The following PRTG variants were observed in gnomAD, a reference collection of about 807,000 sequenced individuals.
PRTG encodes protogenin.
In PRTG, 67 loss-of-function variants were observed where a neutral mutation model predicts 122.5. The ratio of observed to expected loss-of-function variants is 0.55; its 90% CI spans 0.45 to 0.67. The LOEUF is 0.67. Ranked by LOEUF, PRTG falls within the 30% of genes least tolerant of loss-of-function variation. PRTG has a pLI of 0.00. For synonymous variants in PRTG, 554 were observed against 501.1 expected (o/e 1.11, Z -1.41); for missense variants, 1,435 against 1,415.4 (o/e 1.01, Z -0.22).
intron 1 of PRTG, 166 bp downstream of exon 1, chr15:55,742,672 G>T: frequency 1.3e-6 from 1 of 766,730 alleles, no homozygotes; most frequent in Non-Finnish European, 2.1e-6. Context: ...TCTGCAGCTG[G>T]CGGTTCCGGA....
At chr15:55,665,211 G>A (rs1423823116) in intron 11 of PRTG, among the ~76,000 whole-genome samples, 1 of 152,016 alleles carries the variant, frequency 6.6e-6, no homozygotes, top group Admixed American at 6.5e-5. Flanking sequence ...AGTGAGCCGA[G>A]ATCGCGCCCC....
chr15:55,714,106 T>A (rs2030503636), intron 2 of PRTG, among the ~76,000 whole-genome samples: 1 of 152,192 alleles, frequency 6.6e-6, no homozygotes, highest in African/African-American at 2.4e-5. Context: ...ATTTTACCTA[T>A]CATTGCTATG....
rs1199386473 is a variant in PRTG at position 55,742,976 on chromosome 15, T to A, written c.-45A>T. ...ATGCTCCCCGGCCGCCCAGAGCCCC[T>A]GTCCGTCTGCGGCCCCCGCCCCGGG... On this transcript the variant is annotated 5_prime_UTR_variant, in exon 1 of 20. Coordinates refer to ENST00000389286, the MANE Select transcript of PRTG (RefSeq NM_173814.6). 7.1e-7 allele frequency: 1 copy of A among 1,415,838 alleles called. No homozygotes were observed. 87.7% of individuals were successfully genotyped at this position (1,415,838 alleles called of 1,614,324 possible). A position where few individuals can be genotyped will look rare whatever the true frequency, so the allele number is the denominator to read the frequency against.
At chr15:55,674,927 G>C (rs370876100) in intron 9 of PRTG, among the ~76,000 whole-genome samples, 1 of 152,064 alleles carries the variant, frequency 6.6e-6, no homozygotes, top group South Asian at 2.1e-4. Context: ...CAGTTCTCTC[G>C]GGCTATCTTA....
At chr15:55,633,463 C>A (rs568007474) in intron 15 of PRTG, among the ~76,000 whole-genome samples, 2 of 152,278 alleles carry the variant, frequency 1.3e-5, no homozygotes, top group East Asian at 3.9e-4. Context: ...ATTTTAGCCA[C>A]AAGTATTATA....
At chr15:55,683,712 G>A (rs2059554233) in intron 3 of PRTG, 75 bp downstream of exon 3, 1 of 1,260,988 alleles carries the variant, frequency 7.9e-7, no homozygotes, top group South Asian at 1.5e-5. Flanking sequence ...CTATAATGGT[G>A]TTTCTCCCTA....
intron 9 of PRTG, 93 bp from the exon 10 acceptor site, chr15:55,673,769 A>G (rs1178438632): frequency 1.8e-5 from 17 of 952,818 alleles, no homozygotes; most frequent in East Asian, 4.9e-5. Flanking sequence ...TTAGCAACAT[A>G]TAATAAAGAA....
At chr15:55,646,441 G>T (rs2059324346) in intron 11 of PRTG, among the ~76,000 whole-genome samples, 1 of 151,744 alleles carries the variant, frequency 6.6e-6, no homozygotes, top group Non-Finnish European at 1.5e-5. Context: ...TCCTGCCTCA[G>T]CCTCCCAAGT....
At chr15:55,630,366 G>C (rs1186779930) in intron 15 of PRTG, among the ~76,000 whole-genome samples, 1 of 152,104 alleles carries the variant, frequency 6.6e-6, no homozygotes, top group Non-Finnish European at 1.5e-5. Context: ...CAAGTAATCT[G>C]CCCACCTCGG....
chr15:55,624,078 C>G (rs2059181059), intron 18 of PRTG, among the ~76,000 whole-genome samples: 1 of 151,996 alleles, frequency 6.6e-6, no homozygotes, highest in South Asian at 2.1e-4. Context: ...TCTCATCTAA[C>G]TGAGATTATA....
At chr15:55,620,288 G>A (rs1424284138) in intron 19 of PRTG, 22 bp from the exon 20 acceptor site, 2 of 1,612,082 alleles carry the variant, frequency 1.2e-6, no homozygotes, top group East Asian at 2.2e-5. Flanking sequence ...AAGATAAGAT[G>A]GCAATGAGAT....
rs2031674826 is a variant in PRTG, at chr15:55,743,104, G to A, written c.-173C>T. 4.7e-6 allele frequency: 6 copies of A among 1,278,858 alleles called. No individual in the cohort carries two copies. The highest frequency in any genetic ancestry group is 5.9e-6 in the Non-Finnish European group (6 of 1,017,436). 79.2% of individuals were successfully genotyped at this position (1,278,858 alleles called of 1,614,324 possible). On this transcript the variant is annotated 5_prime_UTR_variant, in exon 1 of 20. Coordinates refer to ENST00000389286, the MANE Select transcript of PRTG (RefSeq NM_173814.6). ...GCGGCGGCGAGGCTGGTGCTCGGAC[G>A]GCCGCTCGCGAGAAGCAAGGGGCCT... is the stretch of plus-strand genomic sequence containing the variant.
At chr15:55,640,933 G>A (rs1441685056) in intron 12 of PRTG, among the ~76,000 whole-genome samples, 180 bp downstream of exon 12, 4 of 151,648 alleles carry the variant, frequency 2.6e-5, no homozygotes, top group African/African-American at 7.3e-5. Context: ...CAGGAGAATC[G>A]CTTGAACCCG....
At chr15:55,623,894 T>C (rs1357814592) in intron 18 of PRTG, among the ~76,000 whole-genome samples, 1 of 152,172 alleles carries the variant, frequency 6.6e-6, no homozygotes, top group African/African-American at 2.4e-5. Context: ...TTTTTAAAAA[T>C]GGCATTCATA....
At chr15:55,662,760 C>G (rs1302036532) in intron 11 of PRTG, among the ~76,000 whole-genome samples, 1 of 152,162 alleles carries the variant, frequency 6.6e-6, no homozygotes, top group African/African-American at 2.4e-5. Flanking sequence ...GGATATGCCT[C>G]TCTTTCCTAA....
intron 2 of PRTG, among the ~76,000 whole-genome samples, chr15:55,737,800 T>C (rs1185379998): frequency 6.6e-6 from 1 of 151,938 alleles, no homozygotes; most frequent in Non-Finnish European, 1.5e-5. Context: ...ATTGAAGTTT[T>C]AGATTTCCAG....
chr15:55,678,071 AT>A (rs1462115483), intron 7 of PRTG, 27 bp from the exon 8 acceptor site: 5 of 1,421,534 alleles, frequency 3.5e-6, no homozygotes, highest in Non-Finnish European at 4.9e-6. Flanking sequence ...AATTATTTCC[AT>A]GAAAAATTCT....
intron 15 of PRTG, among the ~76,000 whole-genome samples, chr15:55,632,521 T>A (rs115636841): frequency 6.0e-4 from 92 of 152,278 alleles, no homozygotes; most frequent in African/African-American, 2.2e-3. Flanking sequence ...GCTCATGAAA[T>A]CTGGTCTACA....
intron 18 of PRTG, among the ~76,000 whole-genome samples, chr15:55,621,881 T>C (rs376284773): frequency 1.3e-5 from 2 of 152,190 alleles, no homozygotes; most frequent in African/African-American, 4.8e-5. Flanking sequence ...TTAACAATTA[T>C]TAATTTGTAT....
Sources: allele counts gnomAD v4.1 joint callset (sites outside exome capture counted in the v4.1 genomes callset), GRCh38; gene constraint gnomAD v4.1.1; transcripts MANE v1.5; gene names NCBI Gene and HGNC (gene_info 2026-07-23, HGNC 2026-07-21).